AP1S3: variants seen among roughly 807,000 people sequenced by gnomAD.
AP1S3 encodes AP-1 complex subunit sigma-3.
AP1S3 carries 10 observed loss-of-function variants against 20.9 expected under a neutral mutation model. The ratio of observed to expected loss-of-function variants is 0.48; its 90% confidence interval spans 0.29 to 0.81. The LOEUF is 0.81. Among genes scored for constraint, AP1S3 ranks in the 30% least tolerant of loss-of-function variants. The probability of loss-of-function intolerance (pLI) is 0.08; values close to 1 mark genes in which losing one functional copy is unlikely to be tolerated. For synonymous variants in AP1S3, 41 were observed against 61.5 expected, an observed-to-expected ratio of 0.67 and a Z score of 1.56; for missense variants, 154 against 183.8, an observed-to-expected ratio of 0.84 and a Z score of 0.94.
At chr2:223,796,724 C>T (rs377516322) in intron 1 of AP1S3, among the ~76,000 whole-genome samples, 8 of 152,104 alleles carry the variant, frequency 5.3e-5, no homozygotes, top group African/African-American at 1.4e-4. Flanking sequence ...AGTGCAGTGG[C>T]GCAATCTCAG....
At chr2:223,812,316 G>A (rs539804347) in intron 1 of AP1S3, among the ~76,000 whole-genome samples, 3 of 152,286 alleles carry the variant, frequency 2.0e-5, no homozygotes, top group East Asian at 1.9e-4. Flanking sequence ...CCACCTCCTC[G>A]GTTCAAGTGA....
At chr2:223,785,343 A>G (rs1385535681) in intron 1 of AP1S3, among the ~76,000 whole-genome samples, 1 of 151,624 alleles carries the variant, frequency 6.6e-6, no homozygotes, top group Non-Finnish European at 1.5e-5. Context: ...ACTCCATCTC[A>G]AAAAATAAAA....
intron 1 of AP1S3, among the ~76,000 whole-genome samples, chr2:223,804,918 G>A (rs1281870745): frequency 6.6e-6 from 1 of 152,146 alleles, no homozygotes; most frequent in Non-Finnish European, 1.5e-5. Context: ...CTAGTTGGTT[G>A]AAAAACACCT....
chr2:223,821,480 A>T (rs1257737624), intron 1 of AP1S3, among the ~76,000 whole-genome samples: 1 of 152,164 alleles, frequency 6.6e-6, no homozygotes, highest in Non-Finnish European at 1.5e-5. Flanking sequence ...TTATCTCTTA[A>T]TAATGTCCCA....
At chr2:223,796,033 C>T (rs187099979) in intron 1 of AP1S3, among the ~76,000 whole-genome samples, 14 of 152,210 alleles carry the variant, frequency 9.2e-5, no homozygotes, top group Non-Finnish European at 1.9e-4. Flanking sequence ...ATTAGCCAGA[C>T]GCGGTGGCAG....
At chr2:223,782,731 C>T (rs902855029) in intron 1 of AP1S3, among the ~76,000 whole-genome samples, 11 of 152,186 alleles carry the variant, frequency 7.2e-5, no homozygotes, top group African/African-American at 2.7e-4. Flanking sequence ...TCAAAAACAG[C>T]AACAAATAGA....
intron 1 of AP1S3, among the ~76,000 whole-genome samples, chr2:223,829,285 C>T (rs1182779368): frequency 6.6e-6 from 1 of 152,196 alleles, no homozygotes; most frequent in Non-Finnish European, 1.5e-5. Context: ...CCATGACTTA[C>T]AGGCCAAATC....
intron 1 of AP1S3, among the ~76,000 whole-genome samples, chr2:223,784,453 C>T (rs868171940): frequency 3.8e-4 from 58 of 152,118 alleles, no homozygotes; most frequent in African/African-American, 1.4e-3. Flanking sequence ...GAGAGCACAA[C>T]ACTTCTCATG....
chr2:223,769,437 T>C (rs530319765), intron 3 of AP1S3, among the ~76,000 whole-genome samples: 5 of 152,366 alleles, frequency 3.3e-5, no homozygotes, highest in African/African-American at 4.8e-5. Flanking sequence ...TCCCTGCTTA[T>C]TAGTGAGACT....
intron 1 of AP1S3, among the ~76,000 whole-genome samples, chr2:223,782,540 T>A (rs1307867553): frequency 6.6e-6 from 1 of 152,154 alleles, no homozygotes; most frequent in Non-Finnish European, 1.5e-5. Flanking sequence ...GCTTTTCTAG[T>A]TGGTCTGCAG....
At chr2:223,825,913 A>T (rs1197557697) in intron 1 of AP1S3, among the ~76,000 whole-genome samples, 1 of 152,092 alleles carries the variant, frequency 6.6e-6, no homozygotes, top group African/African-American at 2.4e-5. Context: ...GCTACTTGGG[A>T]GGCTAAGGTG....
intron 1 of AP1S3, among the ~76,000 whole-genome samples, chr2:223,790,233 CTTT>C (rs373959648): frequency 2.1e-5 from 3 of 140,956 alleles, no homozygotes; most frequent in Admixed American, 7.1e-5. Flanking sequence ...TGCCTCCAGT[CTTT>C]TTTTTTTTTT....
At chr2:223,775,363 A>C (rs552147520) in intron 3 of AP1S3, among the ~76,000 whole-genome samples, 1 of 152,376 alleles carries the variant, frequency 6.6e-6, no homozygotes, top group Non-Finnish European at 1.5e-5. Flanking sequence ...AATAATTAAG[A>C]ATACTTATAG....
intron 1 of AP1S3, among the ~76,000 whole-genome samples, chr2:223,816,127 C>T (rs1414741279): frequency 6.6e-6 from 1 of 152,116 alleles, no homozygotes; most frequent in African/African-American, 2.4e-5. Context: ...AGTCAAGTTC[C>T]TTTCTTCAAG....
At chr2:223,819,335 A>G (rs1217945170) in intron 1 of AP1S3, among the ~76,000 whole-genome samples, 1 of 152,224 alleles carries the variant, frequency 6.6e-6, no homozygotes, top group Non-Finnish European at 1.5e-5. Context: ...TGCAACAGAT[A>G]CTTTCAGGTC....
rs970725888 is a variant in AP1S3, at chr2:223,757,359, G to A, written c.*1356C>T. On this transcript the variant is annotated 3_prime_UTR_variant, in exon 5 of 5. Transcript: ENST00000396654. ...AATAGAGGTGGGGTTTCACCTTGTTGGCGAGGATGGTCTTGATCTCTTGAC... is the reference window on the plus strand; with the variant it reads ...AATAGAGGTGGGGTTTCACCTTGTTAGCGAGGATGGTCTTGATCTCTTGAC... The A allele has an allele frequency of 1.9e-5, 3 of 157,124 alleles. No homozygotes were observed. The highest frequency in any genetic ancestry group is 6.6e-5 in the Admixed American group (1 of 15,260). 9.7% of individuals were successfully genotyped at this position (157,124 alleles called of 1,614,324 possible).
At chr2:223,796,601 C>A (rs554710975) in intron 1 of AP1S3, among the ~76,000 whole-genome samples, 2 of 152,196 alleles carry the variant, frequency 1.3e-5, no homozygotes, top group Non-Finnish European at 2.9e-5. Context: ...TATTCAAGTT[C>A]CCTGTAAGGT....
In AP1S3 at chr2:223,811,202, C is replaced by T. The variant is rs561590573; in HGVS notation, c.3+26246G>A. Among the ~76,000 whole-genome samples the T allele has an allele frequency of 2.6e-5, 4 of 151,638 alleles. No homozygotes were observed. In the East Asian group the frequency reaches 7.9e-4, roughly 30 times the overall value. ...CTGCCCGCTGGGTTCAAGCGATTCT[C>T]CTGCCTCAGCCTCCCAAGTACCTGA... On this transcript the variant is annotated intron_variant, in intron 1 of 4. Coordinates refer to ENST00000396654, the MANE Select transcript of AP1S3 (RefSeq NM_001039569.2).
At chr2:223,762,351 C>T (rs1690378357) in intron 4 of AP1S3, among the ~76,000 whole-genome samples, 1 of 139,860 alleles carries the variant, frequency 7.2e-6, no homozygotes, top group Non-Finnish European at 1.5e-5. Flanking sequence ...CGGCTCACTG[C>T]AATCTCTGCC....
Sources: allele counts gnomAD v4.1 joint callset (sites outside exome capture counted in the v4.1 genomes callset), GRCh38; gene constraint gnomAD v4.1.1; transcripts MANE v1.5; gene names NCBI Gene and HGNC (gene_info 2026-07-23, HGNC 2026-07-21).